The following UGT2B11 variants were observed in gnomAD, a reference collection of about 807,000 sequenced individuals.
UGT2B11 encodes the protein UDP-glucuronosyltransferase 2B11.
In UGT2B11, 49 loss-of-function variants were observed where a neutral mutation model predicts 51.7. The observed-to-expected ratio is 0.95, with a 90% CI of 0.75 to 1.20. The LOEUF (loss-of-function observed/expected upper bound fraction) is 1.20, where lower values mean the gene tolerates loss of function less well. Among genes scored for constraint, UGT2B11 ranks in the 50% most tolerant of loss-of-function variants. UGT2B11 has a pLI of 0.00. For synonymous variants in UGT2B11, 273 were observed against 209.0 expected (o/e 1.31, Z -2.64); for missense variants, 810 against 622.1 (o/e 1.30, Z -3.21).
chr4:69,217,068 C>G (rs566468258), upstream of UGT2B11, among the ~76,000 whole-genome samples: 5 of 152,056 alleles, frequency 3.3e-5, no homozygotes, highest in African/African-American at 1.2e-4. Flanking sequence ...GTTTTAAGTA[C>G]AATTACAGTT....
intron 4 of UGT2B11, 67 bp from the exon 5 acceptor site, chr4:69,204,716 T>C: frequency 6.2e-7 from 1 of 1,606,902 alleles, no homozygotes; most frequent in Non-Finnish European, 8.5e-7. Context: ...TGAAAGGTTC[T>C]GAAAGTGACA....
chr4:69,205,036 A>C, intron 4 of UGT2B11, among the ~76,000 whole-genome samples: 1 of 151,710 alleles, frequency 6.6e-6, no homozygotes, highest in East Asian at 1.9e-4. Flanking sequence ...AGGATTGAGG[A>C]AAGACAGGTC....
At chr4:69,213,660 T>C (rs532030626) in intron 1 of UGT2B11, among the ~76,000 whole-genome samples, 1 of 151,878 alleles carries the variant, frequency 6.6e-6, no homozygotes, top group Non-Finnish European at 1.5e-5. Flanking sequence ...TCTATATCTA[T>C]GCATTCAGTA....
chr4:69,224,495 T>C, the UGT2B11 span, among the ~76,000 whole-genome samples: 208 of 152,222 alleles, frequency 1.4e-3, 1 homozygote, highest in Non-Finnish European at 3.7e-4. Context: ...TTTAGTCTCA[T>C]GGCCGCGCTA....
At chr4:69,215,584 A>G (rs1577968492), upstream of UGT2B11, 2 of 152,194 alleles carry the variant, frequency 1.3e-5, no homozygotes, top group African/African-American at 4.8e-5. Flanking sequence ...ATTGATTAAC[A>G]TTGATGTGCA....
At chr4:69,201,739 A>G (rs1044234309) in intron 5 of UGT2B11, among the ~76,000 whole-genome samples, 1 of 151,662 alleles carries the variant, frequency 6.6e-6, no homozygotes, top group Non-Finnish European at 1.5e-5. Flanking sequence ...GATTTTCTCT[A>G]TTTTCTGTCC....
chr4:69,200,876 GTTTGGCTT>G (rs1721632497), intron 5 of UGT2B11, among the ~76,000 whole-genome samples, 157 bp from the exon 6 acceptor site: 1 of 151,654 alleles, frequency 6.6e-6, no homozygotes, highest in African/African-American at 2.4e-5. Flanking sequence ...ATCATAGATA[GTTTGGCTT>G]TTAAATTGGA....
At chr4:69,210,165 G>C (rs984444237) in intron 2 of UGT2B11, among the ~76,000 whole-genome samples, 2 of 151,350 alleles carry the variant, frequency 1.3e-5, no homozygotes, top group African/African-American at 4.8e-5. Context: ...TGGTGTAATT[G>C]AACATTTCAT....
Position 69,200,198 on chromosome 4 carries a change from T to C in UGT2B11, c.*242A>G. 2.4e-6 allele frequency: 1 copy of C among 408,654 alleles called. No homozygotes were observed. The highest frequency in any genetic ancestry group is 6.2e-5 in the South Asian group (1 of 16,130). The allele number at this position is 408,654 out of a possible 1,614,324, so 25.3% of individuals were successfully genotyped here. A position where few individuals can be genotyped will look rare whatever the true frequency, so the allele number is the denominator to read the frequency against. On this transcript the variant is annotated 3_prime_UTR_variant, in exon 6 of 6. Coordinates refer to ENST00000446444, the MANE Select transcript of UGT2B11 (RefSeq NM_001073.3). ...TTCAATATGAGCTCAAATGGCTTTA[T>C]ATTATTTTTTAATTTTCCTAGTATT...
At chr4:69,208,612 T>C in intron 2 of UGT2B11, 130 bp from the exon 3 acceptor site, 1 of 1,478,876 alleles carries the variant, frequency 6.8e-7, no homozygotes. Flanking sequence ...TAATATTTTT[T>C]AACTGAATCA....
In UGT2B11 at chr4:69,212,686, C is replaced by T. The variant is rs1553919948; in HGVS notation, c.757G>A (p.Ala253Thr). 1.2e-6 allele frequency: 2 copies of T among 1,609,350 alleles called. No homozygotes were observed. Among genetic ancestry groups the T allele is most frequent in the Non-Finnish European group, 1.7e-6 (2 of 1,177,462 alleles). ...GAGTTTCGCATAAGCCATATGTCAG[C>T]TTTTCCCATTGTCTCAAATAAGGTA... ...PTTLFETMGK[A>T]DIWLMRNSWS... Residue 253 changes from alanine (A) to threonine (T), a missense_variant, in exon 2 of 6, where the codon GCT becomes ACT. Coordinates refer to ENST00000446444, the MANE Select transcript of UGT2B11 (RefSeq NM_001073.3).
At chr4:69,205,056 C>T (rs1358166302) in intron 4 of UGT2B11, among the ~76,000 whole-genome samples, 2 of 151,608 alleles carry the variant, frequency 1.3e-5, no homozygotes, top group Non-Finnish European at 3.0e-5. Context: ...CACACTTCAT[C>T]ATGAAATGTG....
chr4:69,223,968 G>A, the UGT2B11 span, among the ~76,000 whole-genome samples: 1 of 151,964 alleles, frequency 6.6e-6, no homozygotes, highest in East Asian at 1.9e-4. Context: ...ATGCCCTAAG[G>A]CTTCTACTAT....
intron 4 of UGT2B11, among the ~76,000 whole-genome samples, chr4:69,205,222 C>T (rs948893481): frequency 2.0e-5 from 3 of 151,512 alleles, no homozygotes; most frequent in African/African-American, 4.8e-5. Flanking sequence ...AGAGAGACAG[C>T]CCAGGAAGAT....
chr4:69,203,626 A>G (rs1185157916), intron 5 of UGT2B11, among the ~76,000 whole-genome samples: 3 of 151,750 alleles, frequency 2.0e-5, no homozygotes, highest in African/African-American at 7.2e-5. Flanking sequence ...TGACATATCC[A>G]TACTATAAAA....
At chr4:69,224,551 C>A in the UGT2B11 span, among the ~76,000 whole-genome samples, 1 of 152,036 alleles carries the variant, frequency 6.6e-6, no homozygotes, top group Admixed American at 6.6e-5. Flanking sequence ...CCTCTGAATT[C>A]TAAGGAAGGA....
intron 5 of UGT2B11, among the ~76,000 whole-genome samples, chr4:69,202,908 T>G (rs1194147493): frequency 6.6e-6 from 1 of 151,658 alleles, no homozygotes; most frequent in Non-Finnish European, 1.5e-5. Context: ...GATACCCTCC[T>G]TACACAAAAA....
upstream of UGT2B11, chr4:69,216,670 C>G (rs535098534): frequency 4.3e-3 from 652 of 151,704 alleles, 2 homozygotes; most frequent in African/African-American, 0.015. Context: ...ATAACTTTCT[C>G]TAACTTGGTA....
Position 69,212,651 on chromosome 4 carries a change from A to G in UGT2B11, c.792T>C (p.Phe264=), listed in dbSNP as rs144514511. 398 of 1,610,814 alleles carry G rather than the reference A, an allele frequency of 2.5e-4. 4 individuals carry two copies. The African/African-American group carries it at 5.0e-3, about 20-fold the overall frequency. The part of the protein sequence containing the change: ...DIWLMRNSWS[F]QFPHPFLPNV... ...TTGGTAAGAATGGATGAGGAAATTG[A>G]AAACTCCAGGAGTTTCGCATAAGCC... is the stretch of plus-strand genomic sequence containing the variant. Residue 264 remains phenylalanine, a synonymous_variant, in exon 2 of 6, where the codon TTT becomes TTC. Coordinates refer to ENST00000446444, the MANE Select transcript of UGT2B11 (RefSeq NM_001073.3).
Sources: allele counts gnomAD v4.1 joint callset (sites outside exome capture counted in the v4.1 genomes callset), GRCh38; gene constraint gnomAD v4.1.1; transcripts MANE v1.5; gene names NCBI Gene and HGNC (gene_info 2026-07-23, HGNC 2026-07-21).